KIR2DL1: variants seen among roughly 807,000 people sequenced by gnomAD.
KIR2DL1 encodes killer cell immunoglobulin like receptor, two Ig domains and long cytoplasmic tail 1.
A neutral mutation model predicts 33.9 loss-of-function variants in KIR2DL1; 38 were observed. That is an observed-to-expected ratio of 1.12 (90% CI 0.86 to 1.47). The LOEUF is 1.47. Among genes scored for constraint, KIR2DL1 ranks in the 40% most tolerant of loss-of-function variants. The pLI, the probability that KIR2DL1 is intolerant of heterozygous loss-of-function variation, is 0.00. For synonymous variants in KIR2DL1, 179 were observed against 165.9 expected (o/e 1.08, Z -0.61); for missense variants, 531 against 433.9 (o/e 1.22, Z -1.99).
rs549088759 is a variant in KIR2DL1 at position 54,783,829 on chromosome 19, C to A, written c.*16C>A. The stretch of plus-strand genomic sequence containing the variant: ...CTGCCCATGAGCACCACAGTCAGGC[C>A]TTGAGGGCGTCTTCTAGGGAGACAA... On this transcript the variant is annotated 3_prime_UTR_variant, in exon 8 of 8. Transcript: ENST00000336077. 134 of 1,613,922 alleles carry A rather than the reference C, an allele frequency of 8.3e-5. No individual in the cohort carries two copies. The South Asian group carries it at 1.4e-3, about 16-fold the overall frequency.
intron 4 of KIR2DL1, among the ~76,000 whole-genome samples, chr19:54,775,766 C>T (rs2076257577): frequency 6.7e-6 from 1 of 148,916 alleles, no homozygotes; most frequent in Admixed American, 6.7e-5. Flanking sequence ...TCAACCTTAC[C>T]CATTTCCCAG....
intron 2 of KIR2DL1, among the ~76,000 whole-genome samples, chr19:54,772,851 C>A (rs749400436): frequency 2.8e-5 from 4 of 145,192 alleles, no homozygotes; most frequent in Non-Finnish European, 6.1e-5. Context: ...AGGAGCCAGC[C>A]TATGGAAGCT....
rs1380015903 is a variant in KIR2DL1 at position 54,780,216 on chromosome 19, C to A, written c.715+1554C>A. On this transcript the variant is annotated intron_variant, in intron 5 of 7. Transcript: ENST00000336077. ...ACTGTGCCCAGCCAGAATTCAAAAT[C>A]AATAATAGATAATGCTGAGTGTATG... 4.8e-4 allele frequency: 220 copies of A among 458,350 alleles called. 1 individual carries two copies. Among genetic ancestry groups the A allele is most frequent in the Middle Eastern group, 1.3e-3 (2 of 1,554 alleles). 28.4% of individuals were successfully genotyped at this position (458,350 alleles called of 1,614,324 possible). A position where few individuals can be genotyped will look rare whatever the true frequency, so the allele number is the denominator to read the frequency against.
chr19:54,779,099 C>G (rs2076680126), intron 5 of KIR2DL1, among the ~76,000 whole-genome samples: 1 of 147,796 alleles, frequency 6.8e-6, no homozygotes, highest in South Asian at 2.1e-4. Flanking sequence ...AGAGAAAGAG[C>G]CTTGCCGTAA....
Position 54,770,854 on chromosome 19 carries a change from T to C in KIR2DL1, c.40T>C (p.Phe14Leu). ...LVVSMACVGF[F>L]LLQGAWPHEG... ...ATCATGATCTTTCTTTCCAGGGTTC[T>C]TCTTGCTGCAGGGGGCCTGGCCACA... Residue 14 changes from phenylalanine (F) to leucine (L), a missense_variant, in exon 2 of 8, where the codon TTC (phenylalanine) becomes CTC (leucine). Phe to Leu is a conservative substitution (Grantham distance 22). Coordinates refer to ENST00000336077, the MANE Select transcript of KIR2DL1 (RefSeq NM_014218.3). The C allele has an allele frequency of 6.3e-7, 1 of 1,584,828 alleles. No individual in the cohort carries two copies. Among genetic ancestry groups the C allele is most frequent in the South Asian group, 1.1e-5 (1 of 90,216 alleles).
chr19:54,783,151 C>A, intron 6 of KIR2DL1, 128 bp downstream of exon 6: 1 of 1,114,432 alleles, frequency 9.0e-7, no homozygotes, highest in Middle Eastern at 2.1e-4. Flanking sequence ...AGAGGCAGGA[C>A]TTTCTAGAGA....
rs371644833 is a variant in KIR2DL1 at position 54,775,400 on chromosome 19, C to T, written c.606C>T (p.Phe202=). 6.3e-7 allele frequency: 1 copy of T among 1,584,078 alleles called. No homozygotes were observed. Among genetic ancestry groups the T allele is most frequent in the Non-Finnish European group, 8.6e-7 (1 of 1,156,268 alleles). The stretch of plus-strand genomic sequence containing the variant: ...GGACCTACAGATGCTTCGGCTCTTT[C>T]CATGACTCTCCATACGAGTGGTCAA... ...HGGTYRCFGS[F]HDSPYEWSKS... is the part of the protein sequence containing the mutation. The change falls in exon 4 of 8, where the codon TTC becomes TTT. Residue 202 remains phenylalanine, a synonymous_variant. Transcript: ENST00000336077.
chr19:54,773,668 G>C (rs1167151533), intron 3 of KIR2DL1, 36 bp downstream of exon 3: 1 of 1,538,416 alleles, frequency 6.5e-7, no homozygotes, highest in African/African-American at 1.4e-5. Context: ...ATTGTCATTG[G>C]GATGCAGAGT....
intron 5 of KIR2DL1, among the ~76,000 whole-genome samples, chr19:54,779,482 T>C (rs1282873610): frequency 6.1e-5 from 9 of 146,562 alleles, no homozygotes; most frequent in African/African-American, 2.2e-4. Context: ...CAGTGCCTTC[T>C]TCCTTACCAC....
intron 5 of KIR2DL1, among the ~76,000 whole-genome samples, chr19:54,779,413 G>A (rs377047067): frequency 0.011 from 1,576 of 148,098 alleles, 92 homozygotes; most frequent in South Asian, 0.033. Context: ...TTGGCTCCTG[G>A]TCCCCTTCCT....
At chr19:54,776,643 T>C (rs143043694) in intron 4 of KIR2DL1, among the ~76,000 whole-genome samples, 18,920 of 113,138 alleles carry the variant, frequency 0.17, 78 homozygotes, top group South Asian at 0.28. Context: ...TCTTTTTTTT[T>C]TTTTTTTCTT....
At chr19:54,775,991 A>C (rs2076287544) in intron 4 of KIR2DL1, among the ~76,000 whole-genome samples, 1 of 146,456 alleles carries the variant, frequency 6.8e-6, no homozygotes. Context: ...TCCTGGGTTC[A>C]AGCGATTCTC....
intron 4 of KIR2DL1, among the ~76,000 whole-genome samples, chr19:54,777,786 C>A (rs1458831050): frequency 6.8e-5 from 10 of 147,704 alleles, no homozygotes. Flanking sequence ...TTTTGTTCTA[C>A]GTGTTTCATA....
chr19:54,781,176 C>G lies in KIR2DL1; in HGVS notation c.716-1746C>G, dbSNP rs1274065488. ...TGGGGGACACAAGGAGACTCTATCT[C>G]AAAAAATAAAAATAAGAAATACATA... is the stretch of plus-strand genomic sequence containing the variant. On this transcript the variant is annotated intron_variant, in intron 5 of 7. Transcript: ENST00000336077. Among the ~76,000 whole-genome samples the G allele has an allele frequency of 6.9e-4, 68 of 98,286 alleles. 2 individuals carry two copies. In the South Asian group the frequency reaches 0.029, roughly 42 times the overall value. 64.5% of individuals were successfully genotyped at this position (98,286 alleles called of 152,430 possible).
In KIR2DL1 at chr19:54,774,584, G is replaced by C. The variant is rs1391502241; in HGVS notation, c.371-581G>C. Reference sequence around the variant, plus strand: ...ATAGATACATAGATGATGATTGATTGATTCATTAATAGATGAGACATAGAG... The same window carrying C: ...ATAGATACATAGATGATGATTGATTCATTCATTAATAGATGAGACATAGAG... On this transcript the variant is annotated intron_variant, in intron 3 of 7. Coordinates refer to ENST00000336077, the MANE Select transcript of KIR2DL1 (RefSeq NM_014218.3). 6.8e-4 allele frequency among the ~76,000 whole-genome samples: 101 copies of C among 148,290 alleles called. 8 individuals carry two copies. Among genetic ancestry groups the C allele is most frequent in the African/African-American group, 1.8e-3 (74 of 40,692 alleles).
Position 54,782,947 on chromosome 19 carries a change from G to A in KIR2DL1, c.741G>A (p.Leu247=). The A allele has an allele frequency of 6.2e-7, 1 of 1,613,730 alleles. No homozygotes were observed. ...KTGNPRHLHI[L]IGTSVVIILF... ...GTAACCCCCGACACCTGCACATTCT[G>A]ATTGGGACCTCAGTGGTCATCATCC... The change falls in exon 6 of 8, where the codon CTG becomes CTA. Residue 247 remains leucine, a synonymous_variant. Coordinates refer to ENST00000336077, the MANE Select transcript of KIR2DL1 (RefSeq NM_014218.3).
chr19:54,781,637 C>T (rs1201864889), intron 5 of KIR2DL1, among the ~76,000 whole-genome samples: 36 of 151,486 alleles, frequency 2.4e-4, no homozygotes, highest in African/African-American at 7.7e-4. Context: ...AATAGATGGC[C>T]GAGGGGGTGG....
At chr19:54,776,354 T>G (rs2076340304) in intron 4 of KIR2DL1, among the ~76,000 whole-genome samples, 1 of 146,508 alleles carries the variant, frequency 6.8e-6, no homozygotes, top group South Asian at 2.2e-4. Flanking sequence ...TGTATATGGG[T>G]GAGAAATGGG....
chr19:54,775,640 A>T (rs2076241474), intron 4 of KIR2DL1, among the ~76,000 whole-genome samples, 182 bp downstream of exon 4: 1 of 148,700 alleles, frequency 6.7e-6, no homozygotes, highest in African/African-American at 2.5e-5. Context: ...CATGGCCTGC[A>T]TGGAGGCCCA....
Sources: gnomAD v4.1 joint callset for allele counts (sites outside exome capture counted in the v4.1 genomes callset) on GRCh38, gnomAD v4.1.1 for gene constraint, MANE v1.5 for transcripts, NCBI Gene and HGNC (gene_info 2026-07-23, HGNC 2026-07-21) for gene names.